The following VIPR1 variants were observed in gnomAD, a reference collection of about 807,000 sequenced individuals.
VIPR1 encodes vasoactive intestinal polypeptide receptor 1.
In VIPR1, 59 loss-of-function variants were observed where a neutral mutation model predicts 58.8. The ratio of observed to expected loss-of-function variants is 1.00; its 90% CI spans 0.81 to 1.25. The LOEUF is 1.25. VIPR1 is among the 50% of genes most tolerant of loss of function. The probability of loss-of-function intolerance (pLI) is 0.00; values close to 1 mark genes in which losing one functional copy is unlikely to be tolerated. For missense variants in VIPR1, 626 were observed against 602.7 expected (o/e 1.04, Z -0.40); for synonymous variants, 251 against 242.1 (o/e 1.04, Z -0.34).
Position 42,525,694 on chromosome 3 carries a change from A to T in VIPR1, c.293-193A>T, listed in dbSNP as rs1577240203. On this transcript the variant is annotated intron_variant, in intron 3 of 12. Transcript: ENST00000325123. ...GCTCTGATTCTATCATCGGTGCGGG[A>T]GCCCTGAAGAGGCTTCTCCCTGCCC... Among the ~76,000 whole-genome samples the T allele has an allele frequency of 2.0e-5, 3 of 152,244 alleles. No homozygotes were observed. The East Asian group carries it at 5.8e-4, about 30-fold the overall frequency.
At chr3:42,505,076 G>C (rs1413412266) in intron 1 of VIPR1, among the ~76,000 whole-genome samples, 1 of 152,082 alleles carries the variant, frequency 6.6e-6, no homozygotes, top group Admixed American at 6.5e-5. Context: ...ACGAGGCTGG[G>C]GGAGGAGGGT....
intron 1 of VIPR1, among the ~76,000 whole-genome samples, chr3:42,490,135 C>G (rs72861286): frequency 0.018 from 2,687 of 152,230 alleles, 66 homozygotes; most frequent in African/African-American, 0.06. Context: ...CAGCTTCCTC[C>G]TTGCTCCTTC....
intron 2 of VIPR1, among the ~76,000 whole-genome samples, chr3:42,514,286 C>T (rs1291000225): frequency 2.0e-5 from 3 of 151,990 alleles, no homozygotes; most frequent in Non-Finnish European, 4.4e-5. Flanking sequence ...ACACCACACT[C>T]CAGGATTAGA....
At chr3:42,524,999 C>T (rs1329322298) in intron 3 of VIPR1, among the ~76,000 whole-genome samples, 2 of 152,214 alleles carry the variant, frequency 1.3e-5, no homozygotes, top group Non-Finnish European at 2.9e-5. Context: ...TGTGATGAGG[C>T]TGACAACAGT....
At chr3:42,519,483 T>C (rs1700805594) in intron 3 of VIPR1, 153 bp downstream of exon 3, 1 of 536,534 alleles carries the variant, frequency 1.9e-6, no homozygotes, top group Non-Finnish European at 3.2e-6. Context: ...GCTGGGTCTT[T>C]AAAGAACTCA....
chr3:42,525,797 GCTGAATTCT>G lies in VIPR1; in HGVS notation c.293-86_293-78del, dbSNP rs1701199019. On this transcript the variant is annotated intron_variant, in intron 3 of 12. Coordinates refer to ENST00000325123, the MANE Select transcript of VIPR1 (RefSeq NM_004624.4). ...CAGCACCAGGGTTGGTGGGAGTAGG[GCTGAATTCT>G]CTGCCTTGTTCCAAGCAGAGACAGC... 4.5e-6 allele frequency: 6 copies of G among 1,346,720 alleles called. No homozygotes were observed. The Admixed American group carries it at 6.4e-5, about 14-fold the overall frequency. 83.4% of individuals were successfully genotyped at this position (1,346,720 alleles called of 1,614,324 possible).
At chr3:42,494,797 A>G (rs1173257237) in intron 1 of VIPR1, among the ~76,000 whole-genome samples, 1 of 152,110 alleles carries the variant, frequency 6.6e-6, no homozygotes, top group Admixed American at 6.5e-5. Context: ...TTTAGCTGTT[A>G]ACTTATTTCA....
At chr3:42,521,338 A>G (rs1700905643) in intron 3 of VIPR1, 1 of 152,200 alleles carries the variant, frequency 6.6e-6, no homozygotes, top group Non-Finnish European at 1.5e-5. Flanking sequence ...TGTAGAGTGA[A>G]CAACTTGCAC....
Position 42,512,779 on chromosome 3 carries a change from G to C in VIPR1, c.79-970G>C, listed in dbSNP as rs1700419311. 6 of 985,378 alleles carry C rather than the reference G, an allele frequency of 6.1e-6. No individual in the cohort carries two copies. In the South Asian group the frequency reaches 1.9e-4, roughly 31 times the overall value. The allele number at this position is 985,378 out of a possible 1,614,324, so 61.0% of individuals were successfully genotyped here. On this transcript the variant is annotated intron_variant, in intron 1 of 12. Coordinates refer to ENST00000325123, the MANE Select transcript of VIPR1 (RefSeq NM_004624.4). ...GAGATGAGGAAACTGGTGTGGGGTT[G>C]CCGGGGCCAGCAACCACTTTTCTAA...
intron 2 of VIPR1, among the ~76,000 whole-genome samples, chr3:42,517,538 G>T (rs1700694344): frequency 6.6e-6 from 1 of 152,182 alleles, no homozygotes; most frequent in South Asian, 2.1e-4. Flanking sequence ...ACCACACTGT[G>T]CATCTTTCAC....
chr3:42,530,741 A>G, intron 6 of VIPR1, 38 bp from the exon 7 acceptor site: 1 of 1,607,864 alleles, frequency 6.2e-7, no homozygotes, highest in Non-Finnish European at 8.5e-7. Flanking sequence ...GACCCTTGAC[A>G]GCCCCAGTGA....
intron 1 of VIPR1, chr3:42,512,800 T>C: frequency 1.0e-6 from 1 of 985,490 alleles, no homozygotes; most frequent in Non-Finnish European, 1.2e-6. Context: ...CAACCACTTT[T>C]CTAAAGCCAA....
intron 1 of VIPR1, among the ~76,000 whole-genome samples, chr3:42,503,542 T>C (rs749451064): frequency 1.3e-5 from 2 of 152,140 alleles, no homozygotes; most frequent in Non-Finnish European, 2.9e-5. Context: ...ATGCCCTTGA[T>C]ACATGTGTAC....
intron 1 of VIPR1, among the ~76,000 whole-genome samples, chr3:42,493,347 T>C (rs1055291104): frequency 3.3e-5 from 5 of 152,054 alleles, no homozygotes; most frequent in Non-Finnish European, 7.4e-5. Flanking sequence ...AATAGCCTTG[T>C]CTCCCCAGGG....
chr3:42,514,806 AG>A (rs937423282), intron 2 of VIPR1, among the ~76,000 whole-genome samples: 12 of 152,188 alleles, frequency 7.9e-5, no homozygotes, highest in African/African-American at 2.9e-4. Flanking sequence ...AAGACTGGAC[AG>A]CAGGGCTATC....
chr3:42,509,784 G>A (rs1399192801), intron 1 of VIPR1: 1 of 152,248 alleles, frequency 6.6e-6, no homozygotes, highest in African/African-American at 2.4e-5. Flanking sequence ...TGAATGACAG[G>A]GAGTTGGCAG....
Position 42,528,102 on chromosome 3 carries a change from G to T in VIPR1, c.615G>T (p.Ser205=). The T allele has an allele frequency of 6.2e-7, 1 of 1,613,808 alleles. No homozygotes were observed. Among genetic ancestry groups the T allele is most frequent in the East Asian group, 2.2e-5 (1 of 44,878 alleles). The part of the protein sequence containing the change: ...KDLALFDSGE[S]DQCSEGSVGC... ...TGGCCCTCTTCGACAGCGGGGAGTC[G>T]GACCAGTGCTCCGAGGGCTCGGTGA... Residue 205 remains serine (S), a synonymous_variant, in exon 6 of 13, where the codon TCG becomes TCT. Coordinates refer to ENST00000325123, the MANE Select transcript of VIPR1 (RefSeq NM_004624.4).
At chr3:42,500,628 T>G (rs959901631), upstream of VIPR1, among the ~76,000 whole-genome samples, 1 of 151,850 alleles carries the variant, frequency 6.6e-6, no homozygotes, top group Non-Finnish European at 1.5e-5. Flanking sequence ...ACAAGTAACT[T>G]CCCAGGAAAA....
At chr3:42,534,187 G>A (rs1040926973) in intron 10 of VIPR1, 11 of 152,392 alleles carry the variant, frequency 7.2e-5, no homozygotes, top group Non-Finnish European at 1.5e-4. Flanking sequence ...CCCCAGAGAA[G>A]GTGGCAACTT....
Sources: allele counts gnomAD v4.1 joint callset (sites outside exome capture counted in the v4.1 genomes callset), GRCh38; gene constraint gnomAD v4.1.1; transcripts MANE v1.5; gene names NCBI Gene and HGNC (gene_info 2026-07-23, HGNC 2026-07-21).